Variants in ARHGEF4 observed in about 807,000 individuals in gnomAD.
ARHGEF4 encodes Rho guanine nucleotide exchange factor 4.
ARHGEF4 carries 119 observed loss-of-function variants against 162.0 expected under a neutral mutation model. The observed-to-expected ratio is 0.73, with a 90% confidence interval of 0.63 to 0.86. The LOEUF is 0.86. ARHGEF4 is among the 40% of genes least tolerant of loss of function. The pLI is 0.00. For synonymous variants in ARHGEF4, 1,014 were observed against 979.9 expected, an observed-to-expected ratio of 1.03 and a Z score of -0.65; for missense variants, 2,488 against 2,456.0, an observed-to-expected ratio of 1.01 and a Z score of -0.28.
intron 5 of ARHGEF4, among the ~76,000 whole-genome samples, chr2:131,032,320 T>C (rs1689906964): frequency 6.6e-6 from 1 of 151,894 alleles, no homozygotes; most frequent in African/African-American, 2.4e-5. Flanking sequence ...CTATAGGACA[T>C]GAGGCCAGCT....
At chr2:130,879,626 C>T (rs1488026246) in intron 1 of ARHGEF4, among the ~76,000 whole-genome samples, 1 of 152,144 alleles carries the variant, frequency 6.6e-6, no homozygotes, top group African/African-American at 2.4e-5. Context: ...CATCGTTTCA[C>T]TCCTTGTTTC....
At chr2:130,970,954 T>C (rs890043074) in intron 4 of ARHGEF4, among the ~76,000 whole-genome samples, 3 of 152,236 alleles carry the variant, frequency 2.0e-5, no homozygotes, top group Admixed American at 2.0e-4. Flanking sequence ...TTATAAAACA[T>C]ACTTTTGGTG....
At chr2:130,983,947 C>A (rs1210132283) in intron 4 of ARHGEF4, among the ~76,000 whole-genome samples, 1 of 152,148 alleles carries the variant, frequency 6.6e-6, no homozygotes, top group Non-Finnish European at 1.5e-5. Context: ...CAATGCCCGG[C>A]CTGAGTGCTC....
At chr2:130,886,264 C>G (rs1025176982) in intron 1 of ARHGEF4, among the ~76,000 whole-genome samples, 8 of 149,050 alleles carry the variant, frequency 5.4e-5, no homozygotes, top group African/African-American at 2.0e-4. Flanking sequence ...TGAGATTAGT[C>G]TGTAATTTTT....
intron 4 of ARHGEF4, among the ~76,000 whole-genome samples, chr2:130,972,381 A>G (rs1685424979): frequency 6.6e-6 from 1 of 152,242 alleles, no homozygotes; most frequent in South Asian, 2.1e-4. Context: ...ATAGAACATT[A>G]AAATATCAGC....
At chr2:130,864,748 A>G (rs1456026718) in intron 1 of ARHGEF4, among the ~76,000 whole-genome samples, 1 of 152,260 alleles carries the variant, frequency 6.6e-6, no homozygotes, top group Non-Finnish European at 1.5e-5. Flanking sequence ...AACAAAAAAT[A>G]CAGCAAGTAT....
chr2:131,039,253 C>T lies in ARHGEF4; in HGVS notation c.4305+221C>T, dbSNP rs1188151288. ...CTCGGGGGCCAGAGAGGAGAGCAGT[C>T]GAGAAATGAGTGTGTGCAGACACTA... On this transcript the variant is annotated intron_variant, in intron 6 of 13. Transcript: ENST00000409359. 1.0e-5 allele frequency: 13 copies of T among 1,291,776 alleles called. 1 individual carries two copies. The East Asian group carries it at 1.4e-4, about 13-fold the overall frequency. 80.0% of individuals were successfully genotyped at this position (1,291,776 alleles called of 1,614,324 possible). A position where few individuals can be genotyped will look rare whatever the true frequency, so the allele number is the denominator to read the frequency against.
At chr2:130,938,509 A>G (rs1683098376) in intron 3 of ARHGEF4, among the ~76,000 whole-genome samples, 1 of 152,148 alleles carries the variant, frequency 6.6e-6, no homozygotes, top group South Asian at 2.1e-4. Context: ...TCCACTTTCT[A>G]ACTGGATAGC....
intron 1 of ARHGEF4, among the ~76,000 whole-genome samples, chr2:130,887,969 G>A (rs1310965664): frequency 6.6e-6 from 1 of 152,096 alleles, no homozygotes; most frequent in African/African-American, 2.4e-5. Context: ...ATCATGCTGT[G>A]TGCCTGGAAA....
intron 4 of ARHGEF4, among the ~76,000 whole-genome samples, chr2:131,015,485 AT>A (rs1688715877): frequency 6.6e-6 from 1 of 152,158 alleles, no homozygotes; most frequent in Non-Finnish European, 1.5e-5. Flanking sequence ...GTGAGACCTT[AT>A]GGTCGGGGAG....
At chr2:130,960,907 T>C (rs1684587908) in intron 4 of ARHGEF4, among the ~76,000 whole-genome samples, 1 of 152,170 alleles carries the variant, frequency 6.6e-6, no homozygotes, top group African/African-American at 2.4e-5. Context: ...GCAGGAGACC[T>C]GATTCAAAAT....
At chr2:130,898,964 C>CG (rs1385903467) in intron 1 of ARHGEF4, among the ~76,000 whole-genome samples, 1 of 152,120 alleles carries the variant, frequency 6.6e-6, no homozygotes, top group Non-Finnish European at 1.5e-5. Flanking sequence ...CTCATATTCC[C>CG]AGCTTCTTGC....
chr2:131,012,114 A>G (rs1257228519), intron 4 of ARHGEF4, among the ~76,000 whole-genome samples: 1 of 152,050 alleles, frequency 6.6e-6, no homozygotes, highest in Non-Finnish European at 1.5e-5. Flanking sequence ...CCTGTGGCTG[A>G]GCAGTTTTGG....
rs368452142 is a variant in ARHGEF4, at chr2:130,988,901, T to TAG, written c.3986-39010_3986-39009dup. 5.6e-3 allele frequency among the ~76,000 whole-genome samples: 640 copies of TAG among 113,286 alleles called. 3 individuals carry two copies. The highest frequency in any genetic ancestry group is 7.2e-3 in the African/African-American group (196 of 27,204). 74.3% of individuals were successfully genotyped at this position (113,286 alleles called of 152,430 possible). On this transcript the variant is annotated intron_variant, in intron 4 of 13. Transcript: ENST00000409359. ...ATATATATATATATATATATATATATAGAGAGAGAGAGAGAGAGAGAGAGA... is the reference window on the plus strand; with the variant it reads ...ATATATATATATATATATATATATATAGAGAGAGAGAGAGAGAGAGAGAGAGA...
intron 4 of ARHGEF4, among the ~76,000 whole-genome samples, chr2:131,022,156 T>C (rs907673777): frequency 2.0e-5 from 3 of 152,204 alleles, no homozygotes; most frequent in Non-Finnish European, 4.4e-5. Context: ...GCAATAGTGA[T>C]GTTATAGAAT....
chr2:131,016,945 G>T (rs1479629620), intron 4 of ARHGEF4, among the ~76,000 whole-genome samples: 2 of 152,386 alleles, frequency 1.3e-5, no homozygotes, highest in Non-Finnish European at 2.9e-5. Context: ...TTTGGCTGCT[G>T]TTCACCAGAG....
chr2:131,040,480 TCA>T, intron 8 of ARHGEF4, 40 bp downstream of exon 8: 1 of 1,494,286 alleles, frequency 6.7e-7, no homozygotes, highest in Non-Finnish European at 8.9e-7. Flanking sequence ...GGCGCTGCGT[TCA>T]CAGAGGCTGC....
In ARHGEF4 at chr2:130,916,825, A is replaced by G. The variant is rs1225210138; in HGVS notation, c.2879A>G (p.Asp960Gly). ...GSWRAFLKSK[D>G]AGSPKKPTLV... ...TGGCGGGCGTTTCTGAAAAGCAAAG[A>G]TGCCGGAAGCCCCAAAAAGCCCACC... The change falls in exon 2 of 14, where the codon GAT becomes GGT. Residue 960 changes from aspartate (D) to glycine (G), a missense_variant. Transcript: ENST00000409359. 12 of 1,550,410 alleles carry G rather than the reference A, an allele frequency of 7.7e-6. No individual in the cohort carries two copies. The South Asian group carries it at 1.3e-4, about 17-fold the overall frequency.
chr2:130,996,020 G>A (rs989165238), intron 4 of ARHGEF4, among the ~76,000 whole-genome samples: 23 of 151,800 alleles, frequency 1.5e-4, no homozygotes, highest in African/African-American at 5.3e-4. Flanking sequence ...CTCCTGAGTA[G>A]CTGGGATTAC....
Sources: allele counts gnomAD v4.1 joint callset (sites outside exome capture counted in the v4.1 genomes callset), GRCh38; gene constraint gnomAD v4.1.1; transcripts MANE v1.5; gene names NCBI Gene and HGNC (gene_info 2026-07-23, HGNC 2026-07-21).